Variants in EHMT1 observed in about 807,000 individuals in gnomAD.
EHMT1 encodes histone-lysine N-methyltransferase EHMT1.
In EHMT1, 15 loss-of-function variants were observed where a neutral mutation model predicts 147.2. The observed-to-expected ratio is 0.10, with a 90% CI of 0.07 to 0.16. The LOEUF is 0.16. Among genes scored for constraint, EHMT1 ranks in the 10% least tolerant of loss-of-function variants. The probability of loss-of-function intolerance (pLI) is 1.00; values close to 1 mark genes in which losing one functional copy is unlikely to be tolerated. For missense variants in EHMT1, 1,587 were observed against 1,772.4 expected, an observed-to-expected ratio of 0.90 and a Z score of 1.88; for synonymous variants, 795 against 709.6, an observed-to-expected ratio of 1.12 and a Z score of -1.91.
chr9:137,822,258 C>T (rs1042625472), intron 25 of EHMT1, among the ~76,000 whole-genome samples: 3 of 152,250 alleles, frequency 2.0e-5, no homozygotes, highest in Non-Finnish European at 4.4e-5. Flanking sequence ...CCTGGCCTCC[C>T]TGCTGGTTTA....
At chr9:137,739,273 G>A (rs540733073) in intron 4 of EHMT1, among the ~76,000 whole-genome samples, 27 of 151,456 alleles carry the variant, frequency 1.8e-4, no homozygotes, top group East Asian at 5.8e-4. Context: ...GGAGAATGGC[G>A]TGAACCCAGG....
chr9:137,807,037 G>A (rs1370051031), intron 18 of EHMT1, among the ~76,000 whole-genome samples: 3 of 152,190 alleles, frequency 2.0e-5, no homozygotes, highest in African/African-American at 4.8e-5. Context: ...AAGTGCTTTG[G>A]TGTTATTTTG....
At chr9:137,668,869 G>C (rs989950110) in intron 1 of EHMT1, among the ~76,000 whole-genome samples, 1 of 152,138 alleles carries the variant, frequency 6.6e-6, no homozygotes, top group South Asian at 2.1e-4. Flanking sequence ...TCTGTTTTAA[G>C]TACTGGAGTA....
intron 1 of EHMT1, among the ~76,000 whole-genome samples, chr9:137,647,427 C>T (rs1267586923): frequency 6.6e-6 from 1 of 152,152 alleles, no homozygotes; most frequent in Non-Finnish European, 1.5e-5. Context: ...ACGCTGTCGG[C>T]TCTACCTTTA....
intron 1 of EHMT1, among the ~76,000 whole-genome samples, chr9:137,657,595 G>A (rs535551538): frequency 7.0e-4 from 106 of 151,526 alleles, no homozygotes; most frequent in Non-Finnish European, 1.2e-3. Context: ...TTTGATACAA[G>A]CATACAGTGC....
chr9:137,778,875 C>T (rs771576665), intron 13 of EHMT1, among the ~76,000 whole-genome samples: 1 of 152,172 alleles, frequency 6.6e-6, no homozygotes, highest in African/African-American at 2.4e-5. Flanking sequence ...CTTGGGAGGC[C>T]TCAGGAAGCT....
At chr9:137,723,186 C>A (rs1481905670) in intron 3 of EHMT1, among the ~76,000 whole-genome samples, 2 of 57,546 alleles carry the variant, frequency 3.5e-5, no homozygotes, top group Non-Finnish European at 3.3e-5. Context: ...CCGGGGTGTG[C>A]CTGTGTCTGT....
chr9:137,624,692 C>A (rs966122479), intron 1 of EHMT1, among the ~76,000 whole-genome samples: 1 of 151,848 alleles, frequency 6.6e-6, no homozygotes, highest in African/African-American at 2.4e-5. Flanking sequence ...GAACTCCTGA[C>A]CTCAAATGAT....
intron 1 of EHMT1, chr9:137,641,474 G>C (rs767303892): frequency 7.1e-5 from 33 of 463,008 alleles, no homozygotes; most frequent in Non-Finnish European, 1.3e-4. Flanking sequence ...AAGCAGTGCA[G>C]ACGCTTGTGG....
At chr9:137,790,999 TAG>T (rs1491159470) in intron 16 of EHMT1, 29 bp downstream of exon 16, 2 of 1,614,176 alleles carry the variant, frequency 1.2e-6, no homozygotes, top group Non-Finnish European at 1.7e-6. Context: ...ATCAACGTCC[TAG>T]TGTGTGTGTA....
At chr9:137,829,821 A>G (rs1033517599) in intron 25 of EHMT1, among the ~76,000 whole-genome samples, 2 of 152,200 alleles carry the variant, frequency 1.3e-5, no homozygotes, top group Non-Finnish European at 2.9e-5. Flanking sequence ...GGCGACACTC[A>G]CACCGGGGCT....
At chr9:137,800,739 G>C in intron 17 of EHMT1, 141 bp from the exon 18 acceptor site, 1 of 694,064 alleles carries the variant, frequency 1.4e-6, no homozygotes, top group South Asian at 1.7e-5. Flanking sequence ...GCCTCTGAAG[G>C]TTGCATTCAG....
chr9:137,679,727 G>A (rs189193127), intron 1 of EHMT1, among the ~76,000 whole-genome samples: 105 of 152,194 alleles, frequency 6.9e-4, no homozygotes, highest in African/African-American at 2.2e-3. Context: ...AAATACATTG[G>A]ATATTTTTTT....
intron 7 of EHMT1, among the ~76,000 whole-genome samples, chr9:137,753,538 C>T (rs1949142352): frequency 6.6e-6 from 1 of 152,164 alleles, no homozygotes; most frequent in Non-Finnish European, 1.5e-5. Flanking sequence ...GGGACATGTT[C>T]AGTTGGTCAG....
chr9:137,798,944 A>G, intron 17 of EHMT1, 30 bp downstream of exon 17: 4 of 1,539,660 alleles, frequency 2.6e-6, no homozygotes, highest in African/African-American at 1.4e-5. Context: ...TTAGCAGTAC[A>G]CTGTGTGGAC....
chr9:137,685,791 G>A (rs1217820224), intron 1 of EHMT1, among the ~76,000 whole-genome samples: 1 of 152,162 alleles, frequency 6.6e-6, no homozygotes, highest in Non-Finnish European at 1.5e-5. Context: ...TGTCATTGTG[G>A]TTTTGACTTA....
chr9:137,691,092 A>C (rs932874119), intron 1 of EHMT1, among the ~76,000 whole-genome samples: 1 of 152,012 alleles, frequency 6.6e-6, no homozygotes, highest in Non-Finnish European at 1.5e-5. Context: ...TTAAATGCCA[A>C]GTCTCCATTC....
At position 137,731,144 on chromosome 9, in the gene EHMT1, C is replaced by A. The variant is rs1444796694; in HGVS notation, c.823+2615C>A. The stretch of plus-strand genomic sequence containing the variant: ...CAGGCTCCAGTTTACCCTTCCACAG[C>A]CCCCTTCCTCCACCACCCCTTCCTT... On this transcript the variant is annotated intron_variant, in intron 4 of 26. Transcript: ENST00000460843. This position sits in a 1 kb window ranked among gnomAD's most constrained non-coding sequence, Gnocchi z 4.3. Among the ~76,000 whole-genome samples the A allele has an allele frequency of 6.6e-6, 1 of 152,184 alleles. No individual in the cohort carries two copies. The highest frequency in any genetic ancestry group is 1.5e-5 in the Non-Finnish European group (1 of 68,032).
rs779232160 is a variant in EHMT1 at position 137,834,907 on chromosome 9, A to G, written c.3851A>G (p.Asp1284Gly). 2 of 1,595,146 alleles carry G rather than the reference A, an allele frequency of 1.3e-6. No homozygotes were observed. The highest frequency in any genetic ancestry group is 2.2e-5 in the South Asian group (2 of 89,928). ...AGCGCGGCCCAGGAGGCCCAGGAGG[A>G]CGGCTTGCCCGACACCAGCTCCGCG... The part of the protein sequence containing the change: ...QASAAQEAQE[D>G]GLPDTSSAAA... The change falls in exon 27 of 27, where the codon GAC (aspartate) becomes GGC (glycine). Residue 1284 changes from aspartate to glycine, a missense_variant. This residue lies in a region of EHMT1 where 141 missense variants were observed against 150.8 expected (regional missense o/e 0.94). Transcript: ENST00000460843.
Sources: allele counts gnomAD v4.1 joint callset (sites outside exome capture counted in the v4.1 genomes callset), GRCh38; gene constraint gnomAD v4.1.1; regional missense constraint gnomAD v4.1.1; non-coding constraint Gnocchi (gnomAD v3.1); transcripts MANE v1.5; gene names NCBI Gene and HGNC (gene_info 2026-07-23, HGNC 2026-07-21).